The following TTC39C variants were observed in gnomAD, a reference collection of about 807,000 sequenced individuals.
The protein encoded by TTC39C is tetratricopeptide repeat domain 39C.
TTC39C carries 33 observed loss-of-function variants against 76.3 expected under a neutral mutation model. The observed-to-expected ratio is 0.43, with a 90% CI of 0.33 to 0.58. TTC39C has a LOEUF of 0.58. TTC39C is among the 20% of genes least tolerant of loss of function. The pLI is 0.04. For missense variants in TTC39C, 595 were observed against 701.4 expected (o/e 0.85, Z 1.71); for synonymous variants, 254 against 260.6 (o/e 0.97, Z 0.24).
intron 6 of TTC39C, among the ~76,000 whole-genome samples, chr18:24,103,310 A>G (rs2084701976): frequency 6.6e-6 from 1 of 152,248 alleles, no homozygotes; most frequent in Non-Finnish European, 1.5e-5. Context: ...GACTATAATT[A>G]TCAGTTGGAG....
At chr18:24,040,468 T>C (rs1334152815) in intron 1 of TTC39C, among the ~76,000 whole-genome samples, 1 of 152,246 alleles carries the variant, frequency 6.6e-6, no homozygotes, top group Non-Finnish European at 1.5e-5. Flanking sequence ...TTTTGGAATC[T>C]TTTCAAAGCA....
At chr18:24,097,455 T>A (rs192614081) in intron 6 of TTC39C, among the ~76,000 whole-genome samples, 25 of 152,340 alleles carry the variant, frequency 1.6e-4, no homozygotes, top group Non-Finnish European at 2.6e-4. Flanking sequence ...TTGAAAGCTG[T>A]GCCCATGTCT....
rs2085148487 is a variant in TTC39C at position 24,132,763 on chromosome 18, ATGT to A, written c.*192_*194del. On this transcript the variant is annotated 3_prime_UTR_variant, in exon 14 of 14. Transcript: ENST00000317571. ...AACATGTAGCTGAAAAGTAATAATG[ATGT>A]TGAGGAGGATGATGATGGTAATAAT... The A allele has an allele frequency of 4.2e-6, 2 of 480,036 alleles. No homozygotes were observed. Among genetic ancestry groups the A allele is most frequent in the East Asian group, 6.8e-5 (2 of 29,228 alleles). 29.7% of individuals were successfully genotyped at this position (480,036 alleles called of 1,614,324 possible).
In TTC39C at chr18:24,132,467, C is replaced by A; in HGVS notation, c.1663-18C>A. On this transcript the variant is annotated intron_variant, in intron 13 of 13. Transcript: ENST00000317571. ...CTTAGCTAACAGAGTGCATAAATAT[C>A]TTTCTTTGATCTTACAGGAGGATTT... The A allele has an allele frequency of 6.2e-7, 1 of 1,612,084 alleles. No individual in the cohort carries two copies. Among genetic ancestry groups the A allele is most frequent in the Non-Finnish European group, 8.5e-7 (1 of 1,178,440 alleles).
chr18:24,004,362 G>A (rs1282629655), intron 1 of TTC39C, among the ~76,000 whole-genome samples: 1 of 152,204 alleles, frequency 6.6e-6, no homozygotes, highest in Non-Finnish European at 1.5e-5. Flanking sequence ...TTGTCTCAGA[G>A]GAGGTGGTAG....
chr18:24,102,048 G>A (rs1416993637), intron 6 of TTC39C, among the ~76,000 whole-genome samples: 1 of 152,186 alleles, frequency 6.6e-6, no homozygotes, highest in African/African-American at 2.4e-5. Context: ...AAAAAAGAAG[G>A]CAGTACCTCC....
chr18:24,041,550 T>C (rs1036844567), intron 1 of TTC39C, among the ~76,000 whole-genome samples: 2 of 152,232 alleles, frequency 1.3e-5, no homozygotes, highest in Admixed American at 6.5e-5. Context: ...CTTTCAGGAA[T>C]ATTGGCCTCT....
At chr18:24,050,812 C>T (rs1190606077) in intron 1 of TTC39C, among the ~76,000 whole-genome samples, 2 of 149,040 alleles carry the variant, frequency 1.3e-5, no homozygotes, top group African/African-American at 2.5e-5. Flanking sequence ...GCGAAAGTTG[C>T]AGTGAGCTGA....
intron 3 of TTC39C, among the ~76,000 whole-genome samples, chr18:24,067,444 C>T (rs2084180185): frequency 6.6e-6 from 1 of 152,182 alleles, no homozygotes; most frequent in Non-Finnish European, 1.5e-5. Flanking sequence ...GGTCTATGGG[C>T]TGTTAGGAAC....
chr18:24,055,337 C>G (rs1568420890), intron 1 of TTC39C, among the ~76,000 whole-genome samples: 1 of 152,182 alleles, frequency 6.6e-6, no homozygotes, highest in Non-Finnish European at 1.5e-5. Context: ...GCTGCACCAC[C>G]TTATACTCCC....
At position 24,103,341 on chromosome 18, in the gene TTC39C, C is replaced by T. The variant is rs77868265; in HGVS notation, c.985-11213C>T. Among the ~76,000 whole-genome samples, 80 of 152,328 alleles carry T rather than the reference C, an allele frequency of 5.3e-4. 1 individual carries two copies. The East Asian group carries it at 0.014, about 26-fold the overall frequency. ...TGGAGATCTGTGTCTTCTAAATAGT[C>T]ATTCACAGTAGGCACTGGAGGTGGT... On this transcript the variant is annotated intron_variant, in intron 6 of 13. Coordinates refer to ENST00000317571, the MANE Select transcript of TTC39C (RefSeq NM_001135993.2).
intron 1 of TTC39C, among the ~76,000 whole-genome samples, chr18:24,019,474 AAAGC>A (rs533296881): frequency 1.2e-3 from 184 of 152,362 alleles, no homozygotes; most frequent in African/African-American, 4.0e-3. Context: ...AATGTATTAA[AAAGC>A]AAGAAAAATG....
rs770050898 is a variant in TTC39C at position 24,134,334 on chromosome 18, C to A, written c.*1760C>A. The A allele has an allele frequency of 1.7e-5, 2 of 118,890 alleles. No homozygotes were observed. Among genetic ancestry groups the A allele is most frequent in the Non-Finnish European group, 3.2e-5 (2 of 62,112 alleles). The allele number at this position is 118,890 out of a possible 1,614,324, so 7.4% of individuals were successfully genotyped here. On this transcript the variant is annotated 3_prime_UTR_variant, in exon 14 of 14. Transcript: ENST00000317571. ...TGTCACCCAGGCTGGAGTGCAGTGG[C>A]GTGATCTTGGCTCACTGCAACCTCT...
chr18:24,015,285 C>T (rs2083440943), intron 1 of TTC39C: 6 of 378,942 alleles, frequency 1.6e-5, no homozygotes, highest in African/African-American at 2.1e-5. Context: ...GCCCCGCGCG[C>T]CCGCAGTCCC....
intron 11 of TTC39C, among the ~76,000 whole-genome samples, 178 bp downstream of exon 11, chr18:24,129,161 T>C (rs2085090260): frequency 1.3e-5 from 2 of 152,254 alleles, no homozygotes; most frequent in Non-Finnish European, 2.9e-5. Context: ...TGGTTAATAC[T>C]AGTTTTTAAT....
At chr18:24,018,671 A>G (rs2083484263) in intron 1 of TTC39C, among the ~76,000 whole-genome samples, 1 of 152,088 alleles carries the variant, frequency 6.6e-6, no homozygotes, top group Non-Finnish European at 1.5e-5. Context: ...ATGATGGGGT[A>G]GAAGAGAATC....
intron 10 of TTC39C, 132 bp from the exon 11 acceptor site, chr18:24,128,754 A>G (rs1363644788): frequency 1.4e-5 from 9 of 650,550 alleles, no homozygotes; most frequent in Non-Finnish European, 2.3e-5. Context: ...AACTTCTTTT[A>G]TTAAGAGCAG....
intron 7 of TTC39C, among the ~76,000 whole-genome samples, chr18:24,116,448 C>T (rs986209574): frequency 6.6e-6 from 1 of 152,082 alleles, no homozygotes; most frequent in South Asian, 2.1e-4. Context: ...CAGGCTGAGG[C>T]GGGCGGGAGA....
intron 1 of TTC39C, chr18:24,001,701 G>A (rs2083311547): frequency 6.6e-6 from 1 of 152,180 alleles, no homozygotes. Context: ...TTACTCTTGG[G>A]TTCTACTCAA....
Sources: gnomAD v4.1 joint callset for allele counts (sites outside exome capture counted in the v4.1 genomes callset) on GRCh38, gnomAD v4.1.1 for gene constraint, MANE v1.5 for transcripts, NCBI Gene and HGNC (gene_info 2026-07-23, HGNC 2026-07-21) for gene names.